The following ZNF512B variants were observed in gnomAD, a reference collection of about 807,000 sequenced individuals.
ZNF512B encodes zinc finger protein 512B.
ZNF512B carries 22 observed loss-of-function variants against 87.8 expected under a neutral mutation model. The observed-to-expected ratio is 0.25, with a 90% CI of 0.18 to 0.36. The LOEUF (loss-of-function observed/expected upper bound fraction) is 0.36. Ranked by LOEUF, ZNF512B falls within the 10% of genes least tolerant of loss-of-function variation. The probability of loss-of-function intolerance (pLI) is 1.00; values close to 1 mark genes in which losing one functional copy is unlikely to be tolerated. For synonymous variants in ZNF512B, 524 were observed against 490.9 expected (o/e 1.07, Z -0.89); for missense variants, 1,060 against 1,231.6 (o/e 0.86, Z 2.09).
chr20:63,962,982 G>A, intron 12 of ZNF512B, 113 bp downstream of exon 12: 1 of 1,370,784 alleles, frequency 7.3e-7, no homozygotes, highest in South Asian at 1.5e-5. Flanking sequence ...GAGAGGGGTG[G>A]GAAACACACG....
chr20:63,969,656 A>C (rs1601490625), intron 1 of ZNF512B, among the ~76,000 whole-genome samples, 158 bp downstream of exon 1: 1 of 120,998 alleles, frequency 8.3e-6, no homozygotes, highest in African/African-American at 3.1e-5. Flanking sequence ...AGGCAGGAAG[A>C]CGGCGCCGGC....
intron 14 of ZNF512B, 24 bp from the exon 15 acceptor site, chr20:63,962,028 G>C (rs372772057): frequency 6.4e-7 from 1 of 1,550,422 alleles, no homozygotes; most frequent in South Asian, 1.2e-5. Context: ...AGCCGTGGGC[G>C]AAGGCCTCTG....
In ZNF512B at chr20:63,966,997, A is replaced by T. The variant is rs896998856; in HGVS notation, c.272T>A (p.Leu91Gln). The T allele has an allele frequency of 1.2e-6, 2 of 1,613,444 alleles. No individual in the cohort carries two copies. The highest frequency in any genetic ancestry group is 1.7e-6 in the Non-Finnish European group (2 of 1,180,014). The change falls in exon 4 of 17, where the codon CTG becomes CAG. Residue 91 changes from leucine to glutamine, a missense_variant. By Grantham distance (113) the Leu-to-Gln change is moderately radical. Around this residue, in one of 9 missense-constraint regions of ZNF512B, gnomAD observed 134 missense variants for 153.6 expected, o/e 0.87. Coordinates refer to ENST00000369888, the MANE Select transcript of ZNF512B (RefSeq NM_020713.3). The part of the protein sequence containing the change: ...NQALRDIPLS[L>Q]MNDWKDEFKA... Reference sequence around the variant, plus strand: ...GAACTCATCCTTCCAGTCGTTCATCAGGGAGAGCTAGGCGTGGGGAAAGGT... The same window carrying T: ...GAACTCATCCTTCCAGTCGTTCATCTGGGAGAGCTAGGCGTGGGGAAAGGT...
rs1246552685 is a variant in ZNF512B at position 63,959,702 on chromosome 20, C to T, written c.*186G>A. 3 of 904,140 alleles carry T rather than the reference C, an allele frequency of 3.3e-6. No individual in the cohort carries two copies. Among genetic ancestry groups the T allele is most frequent in the African/African-American group, 1.7e-5 (1 of 59,020 alleles). 56.0% of individuals were successfully genotyped at this position (904,140 alleles called of 1,614,324 possible). ...TGGGGAGCCCCAACCCAGGTGTGCC[C>T]TGTGGCAGCCTTAACAGGGGAAGGG... On this transcript the variant is annotated 3_prime_UTR_variant, in exon 17 of 17. Coordinates refer to ENST00000369888, the MANE Select transcript of ZNF512B (RefSeq NM_020713.3).
chr20:63,966,048 C>G (rs1440340966), intron 5 of ZNF512B, 93 bp downstream of exon 5: 7 of 608,590 alleles, frequency 1.2e-5, no homozygotes, highest in Non-Finnish European at 1.6e-5. Flanking sequence ...AGCCCCCATA[C>G]CTTTTCTTAC....
Position 63,969,899 on chromosome 20 carries a change from A to T in ZNF512B, c.-88T>A, listed in dbSNP as rs939634344. The T allele has an allele frequency of 5.2e-4, 75 of 145,216 alleles. No homozygotes were observed. Among genetic ancestry groups the T allele is most frequent in the African/African-American group, 1.8e-3 (71 of 40,228 alleles). 9.0% of individuals were successfully genotyped at this position (145,216 alleles called of 1,614,324 possible). ...GCGGGGCGCTGGGTCCGGGCGGCGC[A>T]GGCTGCGCGCCGCGCTGCGCACATG... is the stretch of plus-strand genomic sequence containing the variant. On this transcript the variant is annotated 5_prime_UTR_variant, in exon 1 of 17. Transcript: ENST00000369888.
chr20:63,964,327 C>A lies in ZNF512B; in HGVS notation c.1326G>T (p.Gly442=). The A allele has an allele frequency of 6.2e-7, 1 of 1,613,902 alleles. No homozygotes were observed. Among genetic ancestry groups the A allele is most frequent in the Non-Finnish European group, 8.5e-7 (1 of 1,179,950 alleles). Residue 442 remains glycine (G), a synonymous_variant, in exon 7 of 17, where the codon GGG becomes GGT. Transcript: ENST00000369888. ...GEQPSISGTF[G]LKGLVKAEDK... is the part of the protein sequence containing the mutation. Reference sequence around the variant, plus strand: ...ACCGGGCTGGGGTCTTACCTTTGAGCCCAAAGGTCCCTGAGATGGATGGCT... The same window carrying A: ...ACCGGGCTGGGGTCTTACCTTTGAGACCAAAGGTCCCTGAGATGGATGGCT...
rs1057061723 is a variant in ZNF512B, at chr20:63,958,537, G to T, written c.*1351C>A. The T allele has an allele frequency of 6.6e-6, 1 of 152,050 alleles. No individual in the cohort carries two copies. The highest frequency in any genetic ancestry group is 2.4e-5 in the African/African-American group (1 of 41,360). The allele number at this position is 152,050 out of a possible 1,614,324, so 9.4% of individuals were successfully genotyped here. A position where few individuals can be genotyped will look rare whatever the true frequency, so the allele number is the denominator to read the frequency against. On this transcript the variant is annotated 3_prime_UTR_variant, in exon 17 of 17. Coordinates refer to ENST00000369888, the MANE Select transcript of ZNF512B (RefSeq NM_020713.3). ...CCTCAGCCCACTCCCACCCACCCTG[G>T]AAAATGGCCTCCCTCCAAACCTACC...
intron 10 of ZNF512B, 67 bp from the exon 11 acceptor site, chr20:63,963,507 G>A (rs775171086): frequency 8.3e-5 from 130 of 1,564,804 alleles, no homozygotes; most frequent in Admixed American, 3.9e-4. Context: ...GCCCCGCCCC[G>A]CCCAGGTGTT....
At chr20:63,969,697 G>T in intron 1 of ZNF512B, 117 bp downstream of exon 1, 1 of 146,942 alleles carries the variant, frequency 6.8e-6, no homozygotes, top group Non-Finnish European at 1.5e-5. Context: ...CGCGGCGGGG[G>T]GCGGGGGGGC....
intron 8 of ZNF512B, 45 bp from the exon 9 acceptor site, chr20:63,963,958 G>A (rs2058889679): frequency 1.2e-6 from 2 of 1,602,604 alleles, no homozygotes; most frequent in Admixed American, 1.7e-5. Context: ...GGGCTGCTGG[G>A]TGGCCCAGAC....
chr20:63,968,571 G>C (rs766514368), intron 1 of ZNF512B, among the ~76,000 whole-genome samples: 9 of 152,228 alleles, frequency 5.9e-5, no homozygotes, highest in Non-Finnish European at 1.2e-4. Flanking sequence ...AAACAGCCAA[G>C]GTGGGCACTG....
chr20:63,964,352 T>A lies in ZNF512B; in HGVS notation c.1301A>T (p.Gln434Leu), dbSNP rs202088989. The change falls in exon 7 of 17, where the codon CAG becomes CTG. Residue 434 changes from glutamine to leucine, a missense_variant. Transcript: ENST00000369888. ...QKTPKKFTGE[Q>L]PSISGTFGLK... ...CCCAAAGGTCCCTGAGATGGATGGC[T>A]GCTCCCCTGTAAACTTTTTGGGTGT... 6.2e-7 allele frequency: 1 copy of A among 1,613,934 alleles called. No homozygotes were observed. The highest frequency in any genetic ancestry group is 2.2e-5 in the East Asian group (1 of 44,882).
intron 2 of ZNF512B, 75 bp from the exon 3 acceptor site, chr20:63,967,598 T>G (rs1304077780): frequency 6.6e-7 from 1 of 1,510,466 alleles, no homozygotes; most frequent in East Asian, 2.3e-5. Flanking sequence ...AGGCCCACAG[T>G]GAGCACCGCT....
Position 63,961,857 on chromosome 20 carries a change from CACT to C in ZNF512B, c.2328+82_2328+84del. On this transcript the variant is annotated intron_variant, in intron 15 of 16. Coordinates refer to ENST00000369888, the MANE Select transcript of ZNF512B (RefSeq NM_020713.3). This position sits in a 1 kb window ranked among gnomAD's most constrained non-coding sequence, Gnocchi z 6.4. ...AAGTAGGGGACAAGGCAGGGTCCCT[CACT>C]ACTGTGTGGGAAGCCCGCGTGGGGT... 7.2e-7 allele frequency: 1 copy of C among 1,397,032 alleles called. No homozygotes were observed. Among genetic ancestry groups the C allele is most frequent in the Non-Finnish European group, 9.9e-7 (1 of 1,009,618 alleles). 86.5% of individuals were successfully genotyped at this position (1,397,032 alleles called of 1,614,324 possible). A position where few individuals can be genotyped will look rare whatever the true frequency, so the allele number is the denominator to read the frequency against.
At chr20:63,963,583 G>T in intron 10 of ZNF512B, 35 bp downstream of exon 10, 3 of 1,611,222 alleles carry the variant, frequency 1.9e-6, no homozygotes, top group Non-Finnish European at 2.5e-6. Flanking sequence ...GAGGTCAGAG[G>T]TCACGCTGGA....
At chr20:63,967,699 C>T in intron 2 of ZNF512B, 131 bp downstream of exon 2, 1 of 1,492,972 alleles carries the variant, frequency 6.7e-7, no homozygotes, top group Non-Finnish European at 9.0e-7. Context: ...AACCCCTACC[C>T]TGGTAAGGTC....
rs568513654 is a variant in ZNF512B at position 63,961,670 on chromosome 20, G to A, written c.2329-263C>T. The stretch of plus-strand genomic sequence containing the variant: ...TATTGTAAGCCAGTGTGCCATCTGC[G>A]TGGGTCGGGGTGCCCACCCATGCCT... On this transcript the variant is annotated intron_variant, in intron 15 of 16. Coordinates refer to ENST00000369888, the MANE Select transcript of ZNF512B (RefSeq NM_020713.3). The surrounding 1 kb of genome is among the most constrained non-coding windows in gnomAD (Gnocchi z 6.4). 6.6e-5 allele frequency among the ~76,000 whole-genome samples: 10 copies of A among 152,236 alleles called. No homozygotes were observed. Among genetic ancestry groups the A allele is most frequent in the South Asian group, 6.2e-4 (3 of 4,816 alleles).
chr20:63,968,164 G>A (rs528904844), intron 1 of ZNF512B, among the ~76,000 whole-genome samples: 1 of 152,312 alleles, frequency 6.6e-6, no homozygotes, highest in Admixed American at 6.5e-5. Context: ...GATAACCCAG[G>A]AGTCATCATC....
Sources: allele counts gnomAD v4.1 joint callset (sites outside exome capture counted in the v4.1 genomes callset), GRCh38; gene constraint gnomAD v4.1.1; regional missense constraint gnomAD v4.1.1; non-coding constraint Gnocchi (gnomAD v3.1); transcripts MANE v1.5; gene names NCBI Gene and HGNC (gene_info 2026-07-23, HGNC 2026-07-21).